THSD4: variants seen among roughly 807,000 people sequenced by gnomAD.
THSD4 encodes the protein thrombospondin type 1 domain containing 4.
In THSD4, 69 loss-of-function variants were observed where a neutral mutation model predicts 119.0. The observed-to-expected ratio is 0.58, with a 90% CI of 0.48 to 0.71. THSD4 has a LOEUF of 0.71. Ranked by LOEUF, THSD4 falls within the 30% of genes least tolerant of loss-of-function variation. THSD4 has a pLI of 0.00. For missense variants in THSD4, 1,393 were observed against 1,391.1 expected (o/e 1.00, Z -0.02); for synonymous variants, 524 against 540.4 (o/e 0.97, Z 0.42).
intron 7 of THSD4, among the ~76,000 whole-genome samples, chr15:71,637,661 A>G (rs1307621921): frequency 2.0e-5 from 3 of 152,012 alleles, no homozygotes; most frequent in African/African-American, 7.2e-5. Context: ...GGAGGTGGCA[A>G]TGGGGAGTTG....
At chr15:71,768,093 G>C (rs1478651734) in intron 16 of THSD4, among the ~76,000 whole-genome samples, 2 of 152,064 alleles carry the variant, frequency 1.3e-5, no homozygotes, top group Non-Finnish European at 2.9e-5. Context: ...AAGTGTTTAT[G>C]CTTTCTTTCT....
At chr15:71,577,966 G>A (rs1270223894) in intron 7 of THSD4, among the ~76,000 whole-genome samples, 1 of 150,956 alleles carries the variant, frequency 6.6e-6, no homozygotes, top group African/African-American at 2.4e-5. Flanking sequence ...CAGATGATCC[G>A]ATGGAGGGAG....
chr15:71,749,599 C>A (rs376159082), intron 14 of THSD4, among the ~76,000 whole-genome samples: 2 of 152,066 alleles, frequency 1.3e-5, no homozygotes, highest in Non-Finnish European at 2.9e-5. Context: ...ACCTGTGAAC[C>A]GCATTAAAGT....
chr15:71,424,297 G>A (rs1439898128), intron 7 of THSD4, among the ~76,000 whole-genome samples: 1 of 152,104 alleles, frequency 6.6e-6, no homozygotes, highest in Non-Finnish European at 1.5e-5. Context: ...CTGAAATAAG[G>A]ACAAGAAGAA....
chr15:71,594,453 C>G (rs1024715477), intron 7 of THSD4, among the ~76,000 whole-genome samples: 6 of 152,064 alleles, frequency 3.9e-5, no homozygotes, highest in Non-Finnish European at 7.3e-5. Context: ...ATGATCCACC[C>G]ACCTCGGCCT....
Position 71,215,985 on chromosome 15 carries a change from C to G in THSD4, c.464+586C>G, listed in dbSNP as rs565774229. On this transcript the variant is annotated intron_variant, in intron 4 of 17. Coordinates refer to ENST00000261862, the MANE Select transcript of THSD4 (RefSeq NM_024817.3). The stretch of plus-strand genomic sequence containing the variant: ...CTGTTTCAGAGTCATAAAATGTAAA[C>G]TCTAGAAATGGCATAGTGTCATCAG... 1.1e-4 allele frequency among the ~76,000 whole-genome samples: 17 copies of G among 152,318 alleles called. No individual in the cohort carries two copies. The South Asian group carries it at 3.3e-3, about 30-fold the overall frequency.
intron 6 of THSD4, among the ~76,000 whole-genome samples, chr15:71,398,199 A>G (rs1250376096): frequency 6.6e-6 from 1 of 152,186 alleles, no homozygotes; most frequent in African/African-American, 2.4e-5. Context: ...TTAGGCAGAG[A>G]ATAGAATGTG....
chr15:71,451,844 G>A (rs898318560), intron 7 of THSD4, among the ~76,000 whole-genome samples: 1 of 152,156 alleles, frequency 6.6e-6, no homozygotes, highest in Non-Finnish European at 1.5e-5. Context: ...GAAAGAGGGT[G>A]TGCTCCCCAT....
chr15:71,171,485 T>C (rs1468477946), intron 3 of THSD4, among the ~76,000 whole-genome samples: 1 of 152,180 alleles, frequency 6.6e-6, no homozygotes, highest in East Asian at 1.9e-4. Context: ...ATACAAATGC[T>C]ACACTACACC....
At chr15:71,120,354 T>A (rs2040398810) in intron 1 of THSD4, among the ~76,000 whole-genome samples, 1 of 152,226 alleles carries the variant, frequency 6.6e-6, no homozygotes, top group South Asian at 2.1e-4. Context: ...TCTTTTCCTG[T>A]CTACCCCGTC....
At chr15:71,593,069 A>G (rs1038566437) in intron 7 of THSD4, among the ~76,000 whole-genome samples, 1 of 152,070 alleles carries the variant, frequency 6.6e-6, no homozygotes, top group African/African-American at 2.4e-5. Context: ...AGAAGTGAGC[A>G]GAGGAAGTGA....
At chr15:71,447,695 G>A (rs546655962) in intron 7 of THSD4, among the ~76,000 whole-genome samples, 2 of 152,328 alleles carry the variant, frequency 1.3e-5, no homozygotes, top group African/African-American at 2.4e-5. Context: ...GTCAATTAGC[G>A]ATGACATTCT....
intron 4 of THSD4, among the ~76,000 whole-genome samples, chr15:71,240,060 G>C (rs1279023039): frequency 6.6e-6 from 1 of 152,122 alleles, no homozygotes; most frequent in Non-Finnish European, 1.5e-5. Flanking sequence ...TCTGTCATTG[G>C]GTTTTGAATG....
intron 6 of THSD4, among the ~76,000 whole-genome samples, chr15:71,323,464 C>T (rs1270464626): frequency 6.6e-6 from 1 of 152,184 alleles, no homozygotes; most frequent in African/African-American, 2.4e-5. Flanking sequence ...TTCAGAGAGC[C>T]AGTGGGGGCA....
At chr15:71,291,847 C>T (rs922002015) in intron 6 of THSD4, among the ~76,000 whole-genome samples, 1 of 152,098 alleles carries the variant, frequency 6.6e-6, no homozygotes, top group African/African-American at 2.4e-5. Context: ...TGGAGGCCTC[C>T]TACCCTTAGT....
chr15:71,257,072 G>T (rs1191758038), intron 6 of THSD4, among the ~76,000 whole-genome samples: 2 of 152,108 alleles, frequency 1.3e-5, no homozygotes, highest in African/African-American at 4.8e-5. Context: ...CCTTTCCTTG[G>T]TTCCTGCTAC....
At chr15:71,172,677 CTATACATATATATATATATATATATA>C (rs2043383121) in intron 3 of THSD4, among the ~76,000 whole-genome samples, 1 of 22,150 alleles carries the variant, frequency 4.5e-5, no homozygotes, top group African/African-American at 1.2e-4. Context: ...GAAAATAGAC[CTATACATATATATATATATATATATA>C]TATATATATA....
chr15:71,692,110 ATTAGT>A (rs1197818456), intron 8 of THSD4, among the ~76,000 whole-genome samples: 4 of 152,224 alleles, frequency 2.6e-5, no homozygotes, highest in African/African-American at 4.8e-5. Flanking sequence ...TTCCCATGTA[ATTAGT>A]TTAAGAGTAA....
intron 6 of THSD4, among the ~76,000 whole-genome samples, chr15:71,277,413 G>A (rs1369286619): frequency 3.9e-5 from 6 of 152,078 alleles, no homozygotes; most frequent in Non-Finnish European, 7.4e-5. Context: ...GGTGTGAGCC[G>A]CCGTGCCTGG....
Sources: gnomAD v4.1 joint callset for allele counts (sites outside exome capture counted in the v4.1 genomes callset) on GRCh38, gnomAD v4.1.1 for gene constraint, MANE v1.5 for transcripts, NCBI Gene and HGNC (gene_info 2026-07-23, HGNC 2026-07-21) for gene names.